AFF4: variants seen among roughly 807,000 people sequenced by gnomAD.
AFF4 encodes the protein AF4/FMR2 family member 4.
A neutral mutation model predicts 124.8 loss-of-function variants in AFF4; 13 were observed. That is an observed-to-expected ratio of 0.10 (90% CI 0.07 to 0.17). The LOEUF is 0.17. AFF4 is among the 10% of genes least tolerant of loss of function. The pLI is 1.00. For missense variants in AFF4, 1,092 were observed against 1,403.8 expected, an observed-to-expected ratio of 0.78 and a Z score of 3.55; for synonymous variants, 477 against 496.1, an observed-to-expected ratio of 0.96 and a Z score of 0.51.
chr5:132,938,069 C>T (rs1161506019), intron 1 of AFF4, among the ~76,000 whole-genome samples: 1 of 151,448 alleles, frequency 6.6e-6, no homozygotes. Context: ...CAACACTCTT[C>T]CCTGGAGACA....
chr5:132,954,546 CTTTT>C (rs1204231856), intron 1 of AFF4, among the ~76,000 whole-genome samples: 10 of 122,128 alleles, frequency 8.2e-5, no homozygotes, highest in South Asian at 8.1e-4. Flanking sequence ...AAACAATGCT[CTTTT>C]TTTTTTTTTT....
chr5:132,919,227 T>G (rs1044941808), intron 5 of AFF4, among the ~76,000 whole-genome samples: 2 of 152,154 alleles, frequency 1.3e-5, no homozygotes, highest in African/African-American at 4.8e-5. Flanking sequence ...AAAAGTCAAA[T>G]CTACTTTGAA....
At chr5:132,889,311 T>G in intron 13 of AFF4, 138 bp from the exon 14 acceptor site, 2 of 603,430 alleles carry the variant, frequency 3.3e-6, no homozygotes, top group South Asian at 4.8e-5. Flanking sequence ...TACAAAACTT[T>G]TATAAACTTC....
rs1761969144 is a variant in AFF4, at chr5:132,956,771, C to T, written c.-5+6488G>A. 2.0e-5 allele frequency among the ~76,000 whole-genome samples: 3 copies of T among 151,864 alleles called. No homozygotes were observed. In the South Asian group the frequency reaches 6.2e-4, roughly 32 times the overall value. On this transcript the variant is annotated intron_variant, in intron 1 of 20. Coordinates refer to ENST00000265343, the MANE Select transcript of AFF4 (RefSeq NM_014423.4). ...GCAAGGTGGCTCACACCTGTAACCC[C>T]AGCACTTTGGGAGGCTGAGGCAGGC... is the stretch of plus-strand genomic sequence containing the variant.
chr5:132,891,002 AAATT>A (rs1050709788), intron 13 of AFF4, among the ~76,000 whole-genome samples: 65 of 151,880 alleles, frequency 4.3e-4, no homozygotes, highest in Middle Eastern at 3.4e-3. Context: ...GCAAATAAAT[AAATT>A]AATTAATAAA....
At chr5:132,906,640 TAC>T (rs1405851730) in intron 5 of AFF4, among the ~76,000 whole-genome samples, 1 of 152,042 alleles carries the variant, frequency 6.6e-6, no homozygotes, top group African/African-American at 2.4e-5. Flanking sequence ...AGCTAAAGGG[TAC>T]AGTTTCTTTT....
chr5:132,897,362 C>A (rs1467834402), intron 10 of AFF4, 122 bp from the exon 11 acceptor site: 2 of 1,019,934 alleles, frequency 2.0e-6, no homozygotes, highest in African/African-American at 3.2e-5. Flanking sequence ...GCAAATGGTT[C>A]TCTATGAACC....
At chr5:132,891,198 T>TAACA (rs1217747459) in intron 13 of AFF4, among the ~76,000 whole-genome samples, 2 of 152,116 alleles carry the variant, frequency 1.3e-5, no homozygotes, top group Non-Finnish European at 2.9e-5. Flanking sequence ...CACCTTGTGC[T>TAACA]AACACTAAAC....
At chr5:132,913,031 A>G (rs1182754571) in intron 5 of AFF4, among the ~76,000 whole-genome samples, 1 of 152,236 alleles carries the variant, frequency 6.6e-6, no homozygotes, top group Non-Finnish European at 1.5e-5. Flanking sequence ...ACAAAATCAT[A>G]TACTACCTAC....
At chr5:132,892,124 T>C (rs370828378) in intron 13 of AFF4, 40 bp downstream of exon 13, 65 of 1,613,894 alleles carry the variant, frequency 4.0e-5, no homozygotes, top group Admixed American at 2.8e-4. Context: ...ACATGGCAAG[T>C]TGAATGATTT....
intron 20 of AFF4, 105 bp downstream of exon 20, chr5:132,883,235 C>A: frequency 9.4e-7 from 1 of 1,058,674 alleles, no homozygotes; most frequent in Admixed American, 2.6e-5. Context: ...TTATCATTAA[C>A]TCTAAATAAT....
At chr5:132,907,624 A>ATGTG (rs143864697) in intron 5 of AFF4, among the ~76,000 whole-genome samples, 2 of 151,446 alleles carry the variant, frequency 1.3e-5, no homozygotes, top group Admixed American at 1.3e-4. Context: ...ATGTGTGCAT[A>ATGTG]TGTGTGTGTG....
chr5:132,937,093 G>T lies in AFF4; in HGVS notation c.97C>A (p.Pro33Thr). 3 of 1,613,562 alleles carry T rather than the reference G, an allele frequency of 1.9e-6. No individual in the cohort carries two copies. Among genetic ancestry groups the T allele is most frequent in the Non-Finnish European group, 2.5e-6 (3 of 1,179,824 alleles). ...QGEDAFPPSS[P>T]LFAEPYKVTS... is the part of the protein sequence containing the mutation. ...ACTTTGTATGGCTCTGCAAAGAGAG[G>T]AGAGCTAGGTGGGAAGGCGTCTTCG... Residue 33 changes from proline to threonine, a missense_variant, in exon 2 of 21, where the codon CCT becomes ACT. This residue lies in a region of AFF4 where 46 missense variants were observed against 49.0 expected (regional missense o/e 0.94). Coordinates refer to ENST00000265343, the MANE Select transcript of AFF4 (RefSeq NM_014423.4).
chr5:132,950,645 T>A (rs1314854342), intron 1 of AFF4, among the ~76,000 whole-genome samples: 1 of 152,016 alleles, frequency 6.6e-6, no homozygotes, highest in African/African-American at 2.4e-5. Flanking sequence ...CGAGACTCCA[T>A]GTCAAAAATA....
At chr5:132,914,125 G>A (rs749350321) in intron 5 of AFF4, among the ~76,000 whole-genome samples, 8 of 152,010 alleles carry the variant, frequency 5.3e-5, no homozygotes, top group Non-Finnish European at 1.0e-4. Flanking sequence ...CTACTTGGGA[G>A]CCTGAGGCAG....
intron 18 of AFF4, 49 bp downstream of exon 18, chr5:132,886,261 T>A: frequency 6.5e-7 from 1 of 1,540,434 alleles, no homozygotes; most frequent in African/African-American, 1.4e-5. Flanking sequence ...GATGGGAGAC[T>A]ACAAATTCTG....
At chr5:132,950,800 ATCC>A (rs1761826831) in intron 1 of AFF4, among the ~76,000 whole-genome samples, 1 of 152,216 alleles carries the variant, frequency 6.6e-6, no homozygotes, top group African/African-American at 2.4e-5. Flanking sequence ...AAGAACAATT[ATCC>A]TCATTTTGCT....
At position 132,875,532 on chromosome 5, in the gene AFF4, A is replaced by G. The variant is rs1336761210; in HGVS notation, c.*5527T>C. 1 of 190,052 alleles carries G rather than the reference A, an allele frequency of 5.3e-6. No individual in the cohort carries two copies. The highest frequency in any genetic ancestry group is 1.1e-5 in the Non-Finnish European group (1 of 90,308). 11.8% of individuals were successfully genotyped at this position (190,052 alleles called of 1,614,324 possible). A position where few individuals can be genotyped will look rare whatever the true frequency, so the allele number is the denominator to read the frequency against. On this transcript the variant is annotated 3_prime_UTR_variant, in exon 21 of 21. Coordinates refer to ENST00000265343, the MANE Select transcript of AFF4 (RefSeq NM_014423.4). ...TGAAATGTGATACCCTTGTCTCCAA[A>G]TATTTTAATTGCCATAAATTTGTTT...
chr5:132,936,458 C>A (rs1056594849), intron 2 of AFF4, among the ~76,000 whole-genome samples: 3 of 151,992 alleles, frequency 2.0e-5, no homozygotes, highest in African/African-American at 7.3e-5. Context: ...AGAAATCAGA[C>A]TGATACTGAA....
Sources: gnomAD v4.1 joint callset for allele counts (sites outside exome capture counted in the v4.1 genomes callset) on GRCh38, gnomAD v4.1.1 for gene constraint, gnomAD v4.1.1 regional missense constraint, MANE v1.5 for transcripts, NCBI Gene and HGNC (gene_info 2026-07-23, HGNC 2026-07-21) for gene names.